The following THOC7 variants were observed in gnomAD, a reference collection of about 807,000 sequenced individuals.
THOC7 encodes the protein NIF3L1-binding protein 1.
A neutral mutation model predicts 33.1 loss-of-function variants in THOC7; 22 were observed. That is an observed-to-expected ratio of 0.66 (90% CI 0.47 to 0.95). The LOEUF (loss-of-function observed/expected upper bound fraction) is 0.95, where lower values mean the gene tolerates loss of function less well. Ranked by LOEUF, THOC7 falls within the 40% of genes least tolerant of loss-of-function variation. The pLI is 0.00. For missense variants in THOC7, 184 were observed against 245.3 expected (o/e 0.75, Z 1.67); for synonymous variants, 77 against 76.8 (o/e 1.00, Z -0.01).
intron 1 of THOC7, among the ~76,000 whole-genome samples, chr3:63,856,961 A>C (rs905405954): frequency 6.6e-6 from 1 of 151,938 alleles, no homozygotes; most frequent in Non-Finnish European, 1.5e-5. Context: ...CTCGTGACCT[A>C]CCCGCCTCGG....
intron 1 of THOC7, chr3:63,848,441 C>A (rs115622859): frequency 0.022 from 3,425 of 152,280 alleles, 69 homozygotes; most frequent in South Asian, 0.077. Flanking sequence ...TCCCACCCCC[C>A]ACCTTCAAGC....
chr3:63,853,907 C>CAAA (rs1172783360), intron 1 of THOC7, among the ~76,000 whole-genome samples: 1 of 71,940 alleles, frequency 1.4e-5, no homozygotes. Context: ...GACTCCGTCT[C>CAAA]AAAAAAAAAA....
At chr3:63,848,138 T>C (rs899338559) in intron 1 of THOC7, among the ~76,000 whole-genome samples, 7 of 152,230 alleles carry the variant, frequency 4.6e-5, no homozygotes, top group African/African-American at 1.7e-4. Context: ...AAAATGGCCC[T>C]GCAAAGTTGT....
intron 4 of THOC7, 50 bp from the exon 5 acceptor site, chr3:63,836,408 T>G: frequency 6.4e-7 from 1 of 1,560,846 alleles, no homozygotes; most frequent in Non-Finnish European, 8.8e-7. Flanking sequence ...TGAATGTGAA[T>G]TATCAAAACA....
At chr3:63,850,309 C>A (rs939612727) in intron 1 of THOC7, among the ~76,000 whole-genome samples, 1 of 149,136 alleles carries the variant, frequency 6.7e-6, no homozygotes. Flanking sequence ...CAAGCAATAA[C>A]CCTGTCTCAG....
At chr3:63,840,684 A>G (rs1168678234) in intron 1 of THOC7, among the ~76,000 whole-genome samples, 1 of 152,262 alleles carries the variant, frequency 6.6e-6, no homozygotes, top group African/African-American at 2.4e-5. Context: ...GTCCTGAGCT[A>G]GTGTTCTTTC....
intron 1 of THOC7, among the ~76,000 whole-genome samples, chr3:63,841,611 T>G (rs183318509): frequency 3.3e-5 from 5 of 152,338 alleles, no homozygotes; most frequent in Admixed American, 3.3e-4. Flanking sequence ...GAATTGGGTT[T>G]GGTTCTCAGA....
chr3:63,847,706 C>T (rs1171251269), intron 1 of THOC7, among the ~76,000 whole-genome samples: 1 of 104,078 alleles, frequency 9.6e-6, no homozygotes, highest in Non-Finnish European at 2.4e-5. Context: ...AACTGCACTC[C>T]AGTCTGGGCA....
chr3:63,848,154 A>T (rs950811300), intron 1 of THOC7, among the ~76,000 whole-genome samples: 5 of 152,198 alleles, frequency 3.3e-5, no homozygotes, highest in African/African-American at 1.2e-4. Flanking sequence ...GTTGTCTCAT[A>T]AATCTACATT....
At chr3:63,863,862 C>T (rs556758123), upstream of THOC7, 2 of 1,207,876 alleles carry the variant, frequency 1.7e-6, no homozygotes, top group African/African-American at 1.6e-5. Context: ...GGAGGTCAAA[C>T]TCCCACAATG....
chr3:63,864,060 C>T (rs1276856011), upstream of THOC7, among the ~76,000 whole-genome samples: 1 of 145,494 alleles, frequency 6.9e-6, no homozygotes, highest in Non-Finnish European at 1.5e-5. Flanking sequence ...TGGCGGCCGG[C>T]GGCGGCCCCG....
At chr3:63,863,351 C>G (rs974307463) in intron 1 of THOC7, among the ~76,000 whole-genome samples, 1 of 152,186 alleles carries the variant, frequency 6.6e-6, no homozygotes, top group African/African-American at 2.4e-5. Context: ...GCCCTAAGCC[C>G]GGCACCACTG....
intron 1 of THOC7, among the ~76,000 whole-genome samples, chr3:63,850,158 A>G (rs895134300): frequency 1.3e-5 from 2 of 152,164 alleles, no homozygotes; most frequent in East Asian, 3.8e-4. Flanking sequence ...ATACAGTTTC[A>G]CAATCAGTAA....
In THOC7 at chr3:63,843,622, T is replaced by C. The variant is rs951963939; in HGVS notation, c.20-3849A>G. Among the ~76,000 whole-genome samples, 7 of 151,424 alleles carry C rather than the reference T, an allele frequency of 4.6e-5. No individual in the cohort carries two copies. The East Asian group carries it at 8.0e-4, about 17-fold the overall frequency. Reference sequence around the variant, plus strand: ...TGAATGAATTAAAAAAAATGTGGGCTGGGCGTGGTGGCTCACGCCTGTAAT... The same window carrying C: ...TGAATGAATTAAAAAAAATGTGGGCCGGGCGTGGTGGCTCACGCCTGTAAT... On this transcript the variant is annotated intron_variant, in intron 1 of 7. Transcript: ENST00000295899.
At chr3:63,857,066 C>G (rs778992907) in intron 1 of THOC7, among the ~76,000 whole-genome samples, 22 of 152,018 alleles carry the variant, frequency 1.4e-4, no homozygotes, top group Non-Finnish European at 2.4e-4. Flanking sequence ...AAGCATCTTG[C>G]CAAAAATTAA....
intron 1 of THOC7, chr3:63,848,712 G>T (rs1284633834): frequency 6.6e-6 from 1 of 152,140 alleles, no homozygotes; most frequent in African/African-American, 2.4e-5. Flanking sequence ...AACAGAGCAC[G>T]AATTAATTAC....
intron 1 of THOC7, among the ~76,000 whole-genome samples, chr3:63,861,301 C>G (rs2107171130): frequency 6.6e-6 from 1 of 152,258 alleles, no homozygotes; most frequent in Non-Finnish European, 1.5e-5. Flanking sequence ...TCTGACAAAG[C>G]CTGTTGCTCC....
rs557061702 is a variant in THOC7, at chr3:63,836,528, C to T, written c.353-170G>A. On this transcript the variant is annotated intron_variant, in intron 4 of 7. Coordinates refer to ENST00000295899, the MANE Select transcript of THOC7 (RefSeq NM_025075.4). ...TTAGTTAACTGAGTTATAATTATAA[C>T]GATACATAACATCAAAAGTGTTCCA... 1.7e-4 allele frequency among the ~76,000 whole-genome samples: 26 copies of T among 152,026 alleles called. No homozygotes were observed. In the South Asian group the frequency reaches 5.2e-3, roughly 30 times the overall value.
At chr3:63,843,397 C>T (rs1369380027) in intron 1 of THOC7, among the ~76,000 whole-genome samples, 1 of 152,090 alleles carries the variant, frequency 6.6e-6, no homozygotes, top group Non-Finnish European at 1.5e-5. Flanking sequence ...GGATTACAGG[C>T]ATGAGCCACT....
Sources: gnomAD v4.1 joint callset for allele counts (sites outside exome capture counted in the v4.1 genomes callset) on GRCh38, gnomAD v4.1.1 for gene constraint, MANE v1.5 for transcripts, NCBI Gene and HGNC (gene_info 2026-07-23, HGNC 2026-07-21) for gene names.